MYO18A: variants seen among roughly 807,000 people sequenced by gnomAD.
MYO18A encodes the protein myosin XVIIIA.
A neutral mutation model predicts 235.8 loss-of-function variants in MYO18A; 78 were observed. That is an observed-to-expected ratio of 0.33 (90% confidence interval 0.28 to 0.40). The LOEUF is 0.40. MYO18A is among the 10% of genes least tolerant of loss of function. The probability of loss-of-function intolerance (pLI) is 1.00; values close to 1 mark genes in which losing one functional copy is unlikely to be tolerated. For synonymous variants in MYO18A, 977 were observed against 1,077.8 expected (o/e 0.91, Z 1.83); for missense variants, 2,215 against 2,699.3 (o/e 0.82, Z 3.98).
chr17:29,120,767 T>A lies in MYO18A; in HGVS notation c.1586-9A>T. 1 of 1,612,118 alleles carries A rather than the reference T, an allele frequency of 6.2e-7. No homozygotes were observed. ...AGCCTGCCACTTCTCCACTGCAGAA[T>A]ACAGGCCCAAGGGGATATCAGGAAA... On this transcript the variant is annotated splice_polypyrimidine_tract_variant and intron_variant, in intron 6 of 41. Coordinates refer to ENST00000527372, the MANE Select transcript of MYO18A (RefSeq NM_078471.4). The surrounding 1 kb of genome is among the most constrained non-coding windows in gnomAD (Gnocchi z 4.2).
At chr17:29,146,649 C>T (rs2067855179) in intron 2 of MYO18A, among the ~76,000 whole-genome samples, 1 of 152,216 alleles carries the variant, frequency 6.6e-6, no homozygotes, top group Non-Finnish European at 1.5e-5. Context: ...AAGAGTCACA[C>T]ATCTCTATCC....
chr17:29,085,160 G>T (rs1185316986), intron 40 of MYO18A, among the ~76,000 whole-genome samples: 2 of 152,250 alleles, frequency 1.3e-5, no homozygotes, highest in African/African-American at 4.8e-5. Context: ...GACCTTTAAA[G>T]ATGAAACACG....
In MYO18A at chr17:29,125,937, C is replaced by T. The variant is rs1002885305; in HGVS notation, c.1000-3684G>A. ...TCCAGCCGCTGGTGGGCCTCTTCCA[C>T]GGGGGTCAGCTGGACCTTGGCAGCT... On this transcript the variant is annotated intron_variant, in intron 2 of 41. Transcript: ENST00000527372. The surrounding 1 kb of genome is among the most constrained non-coding windows in gnomAD (Gnocchi z 5.1). 3 of 985,752 alleles carry T rather than the reference C, an allele frequency of 3.0e-6. No homozygotes were observed. The highest frequency in any genetic ancestry group is 4.7e-5 in the South Asian group (1 of 21,292). The allele number at this position is 985,752 out of a possible 1,614,324, so 61.1% of individuals were successfully genotyped here. A position where few individuals can be genotyped will look rare whatever the true frequency, so the allele number is the denominator to read the frequency against.
intron 7 of MYO18A, 89 bp from the exon 8 acceptor site, chr17:29,119,524 C>G (rs967690786): frequency 2.4e-6 from 2 of 844,330 alleles, no homozygotes; most frequent in African/African-American, 1.8e-5. Context: ...AACACATGGT[C>G]CTCTAGGCCC....
intron 41 of MYO18A, chr17:29,079,980 C>A (rs1212694467): frequency 1.0e-6 from 1 of 985,896 alleles, no homozygotes; most frequent in Non-Finnish European, 1.2e-6. Flanking sequence ...TCCGAGAGCG[C>A]CCCTTCTTCC....
chr17:29,105,981 C>T (rs931972241), intron 20 of MYO18A, among the ~76,000 whole-genome samples: 10 of 151,976 alleles, frequency 6.6e-5, no homozygotes, highest in African/African-American at 1.7e-4. Context: ...TGAGGGAGGC[C>T]GAGTGACTGC....
In MYO18A at chr17:29,166,765, C is replaced by T. The variant is rs779532556; in HGVS notation, c.176G>A (p.Arg59His). ...NRSSKRESKT[R>H]LEISNPIPIK... ...GGGGATGGGGTTGGAGATTTCCAGG[C>T]GCGTCTTGGATTCACGCTTGGAGGA... is the stretch of plus-strand genomic sequence containing the variant. Residue 59 changes from arginine to histidine, a missense_variant, in exon 2 of 42, where the codon CGC becomes CAC. Coordinates refer to ENST00000527372, the MANE Select transcript of MYO18A (RefSeq NM_078471.4). 3.7e-6 allele frequency: 6 copies of T among 1,613,544 alleles called. No homozygotes were observed. In the South Asian group the frequency reaches 4.4e-5, roughly 12 times the overall value.
rs1226806329 is a variant in MYO18A at position 29,111,714 on chromosome 17, C to T, written c.2740+8G>A. ...GCAGAGGAGCTACCCTCTAGGGATG[C>T]CACCTACCTTTTTTGTCACCTTCCT... is the stretch of plus-strand genomic sequence containing the variant. On this transcript the variant is annotated splice_region_variant and intron_variant, in intron 16 of 41. Coordinates refer to ENST00000527372, the MANE Select transcript of MYO18A (RefSeq NM_078471.4). This position sits in a 1 kb window ranked among gnomAD's most constrained non-coding sequence, Gnocchi z 5.1. The T allele has an allele frequency of 1.2e-6, 2 of 1,613,264 alleles. No homozygotes were observed. Among genetic ancestry groups the T allele is most frequent in the Middle Eastern group, 1.7e-4 (1 of 6,056 alleles).
In MYO18A at chr17:29,072,982, G is replaced by T. The variant is rs2065902246; in HGVS notation, c.*1788C>A. ...CACATTGCCCTGTGGGCCCGAGCTA[G>T]TTCTGCCAAGTTTTGATCAAAAAGT... On this transcript the variant is annotated 3_prime_UTR_variant, in exon 42 of 42. Coordinates refer to ENST00000527372, the MANE Select transcript of MYO18A (RefSeq NM_078471.4). 6.6e-6 allele frequency: 1 copy of T among 152,164 alleles called. No individual in the cohort carries two copies. The highest frequency in any genetic ancestry group is 1.5e-5 in the Non-Finnish European group (1 of 68,048). 9.4% of individuals were successfully genotyped at this position (152,164 alleles called of 1,614,324 possible). A position where few individuals can be genotyped will look rare whatever the true frequency, so the allele number is the denominator to read the frequency against.
intron 1 of MYO18A, among the ~76,000 whole-genome samples, chr17:29,167,627 G>A (rs142447833): frequency 1.3e-4 from 20 of 151,854 alleles, no homozygotes; most frequent in African/African-American, 4.6e-4. Context: ...GATTGCTTGA[G>A]CCCAGGAGGT....
chr17:29,134,833 C>A lies in MYO18A; in HGVS notation c.1000-12580G>T, dbSNP rs188256957. On this transcript the variant is annotated intron_variant, in intron 2 of 41. Coordinates refer to ENST00000527372, the MANE Select transcript of MYO18A (RefSeq NM_078471.4). ...CCACCACGCCCAGCCAACACTCAAACCCTTAATACAGTAAACCAAAGTTGC... is the reference window on the plus strand; with the variant it reads ...CCACCACGCCCAGCCAACACTCAAAACCTTAATACAGTAAACCAAAGTTGC... Among the ~76,000 whole-genome samples the A allele has an allele frequency of 1.1e-3, 163 of 152,038 alleles. No homozygotes were observed. In the South Asian group the frequency reaches 0.011, roughly 10 times the overall value.
chr17:29,115,281 A>G (rs2067030567), intron 13 of MYO18A, 70 bp downstream of exon 13: 10 of 1,559,638 alleles, frequency 6.4e-6, no homozygotes, highest in Non-Finnish European at 8.8e-6. Context: ...GCCTCGGCCA[A>G]CAAGGCATGA....
intron 1 of MYO18A, among the ~76,000 whole-genome samples, chr17:29,173,436 A>G (rs1390344296): frequency 7.2e-6 from 1 of 139,674 alleles, no homozygotes. Context: ...TCACCAGGCC[A>G]GAGTGCAGTG....
chr17:29,149,363 GT>G (rs77291992), intron 2 of MYO18A, among the ~76,000 whole-genome samples: 2 of 152,238 alleles, frequency 1.3e-5, no homozygotes, highest in East Asian at 3.8e-4. Context: ...AGGAAAGCCT[GT>G]TCTAGAGAGG....
Position 29,099,746 on chromosome 17 carries a change from C to T in MYO18A, c.3524G>A (p.Gly1175Asp). 1 of 1,612,914 alleles carries T rather than the reference C, an allele frequency of 6.2e-7. No homozygotes were observed. Among genetic ancestry groups the T allele is most frequent in the South Asian group, 1.1e-5 (1 of 91,000 alleles). ...MGLSRVFFRA[G>D]TLARLEEQRD... ...CTGCTCCTCCAGCCGTGCCAAGGTG[C>T]CCGCCCGGAAGAACACCTGTGAAAA... The change falls in exon 22 of 42, where the codon GGC becomes GAC. Residue 1175 changes from glycine (G) to aspartate (D), a missense_variant. Physicochemically the swap from Gly to Asp is moderately conservative, Grantham distance 94. Coordinates refer to ENST00000527372, the MANE Select transcript of MYO18A (RefSeq NM_078471.4).
chr17:29,132,036 G>A (rs1220150694), intron 2 of MYO18A, among the ~76,000 whole-genome samples: 1 of 152,204 alleles, frequency 6.6e-6, no homozygotes, highest in Non-Finnish European at 1.5e-5. Context: ...GATTCAGGAG[G>A]CCAGATATTT....
chr17:29,159,316 C>T (rs2068124539), intron 2 of MYO18A, among the ~76,000 whole-genome samples: 1 of 152,112 alleles, frequency 6.6e-6, no homozygotes, highest in South Asian at 2.1e-4. Context: ...GACACCTGCC[C>T]CCTGCCCCCA....
chr17:29,080,382 G>C lies in MYO18A; in HGVS notation c.6020+1934C>G, dbSNP rs1276860559. The C allele has an allele frequency of 3.0e-6, 3 of 986,098 alleles. No homozygotes were observed. The African/African-American group carries it at 5.2e-5, about 17-fold the overall frequency. 61.1% of individuals were successfully genotyped at this position (986,098 alleles called of 1,614,324 possible). Reference sequence around the variant, plus strand: ...GTGGCCGGGGTGGCACCGACAGACTGCGGGCCAGCGACGGGTGGCTGTACT... The same window carrying C: ...GTGGCCGGGGTGGCACCGACAGACTCCGGGCCAGCGACGGGTGGCTGTACT... On this transcript the variant is annotated intron_variant, in intron 41 of 41. Transcript: ENST00000527372.
At position 29,120,984 on chromosome 17, in the gene MYO18A, T is replaced by C. The variant is rs777170173; in HGVS notation, c.1585+14A>G. The C allele has an allele frequency of 1.1e-5, 17 of 1,603,800 alleles. No homozygotes were observed. In the South Asian group the frequency reaches 1.9e-4, roughly 18 times the overall value. The stretch of plus-strand genomic sequence containing the variant: ...TCACCCCACTTTCAGTTTTCTCCCT[T>C]GTCCCTGCCTCACCAGAAAACACCT... On this transcript the variant is annotated intron_variant, in intron 6 of 41. Transcript: ENST00000527372. The surrounding 1 kb of genome is among the most constrained non-coding windows in gnomAD (Gnocchi z 4.2).
Sources: allele counts gnomAD v4.1 joint callset (sites outside exome capture counted in the v4.1 genomes callset), GRCh38; gene constraint gnomAD v4.1.1; non-coding constraint Gnocchi (gnomAD v3.1); transcripts MANE v1.5; gene names NCBI Gene and HGNC (gene_info 2026-07-23, HGNC 2026-07-21).